The following NUP205 variants were observed in gnomAD, a reference collection of about 807,000 sequenced individuals.
The protein encoded by NUP205 is nucleoporin 205, also known as nuclear pore complex protein Nup205.
NUP205 carries 76 observed loss-of-function variants against 253.8 expected under a neutral mutation model. That is an observed-to-expected ratio of 0.30 (90% CI 0.25 to 0.36). NUP205 has a LOEUF of 0.36. Ranked by LOEUF, NUP205 falls within the 10% of genes least tolerant of loss-of-function variation. The pLI, the probability that NUP205 is intolerant of heterozygous loss-of-function variation, is 1.00. For missense variants in NUP205, 2,162 were observed against 2,425.5 expected (o/e 0.89, Z 2.28); for synonymous variants, 832 against 850.1 (o/e 0.98, Z 0.37).
intron 1 of NUP205, among the ~76,000 whole-genome samples, chr7:135,560,775 T>C (rs1052020832): frequency 1.3e-5 from 2 of 152,114 alleles, no homozygotes; most frequent in South Asian, 2.1e-4. Context: ...TCTGAAGTAG[T>C]CATACTCATA....
At chr7:135,589,888 A>G (rs1433008470) in intron 10 of NUP205, among the ~76,000 whole-genome samples, 3 of 151,180 alleles carry the variant, frequency 2.0e-5, no homozygotes, top group Non-Finnish European at 4.4e-5. Context: ...ACTACATTCC[A>G]GCCTGGGTGA....
chr7:135,569,696 C>G (rs1356428357), intron 1 of NUP205, among the ~76,000 whole-genome samples: 2 of 151,990 alleles, frequency 1.3e-5, no homozygotes, highest in East Asian at 3.9e-4. Flanking sequence ...TAGTAGCACA[C>G]AGCACAAGTT....
chr7:135,602,008 CAAAT>C (rs1793977257), intron 17 of NUP205, among the ~76,000 whole-genome samples: 1 of 152,090 alleles, frequency 6.6e-6, no homozygotes. Context: ...TTCCATTTAA[CAAAT>C]AAAGAAGCTG....
At chr7:135,632,663 A>G (rs1794736980) in intron 35 of NUP205, among the ~76,000 whole-genome samples, 1 of 151,998 alleles carries the variant, frequency 6.6e-6, no homozygotes, top group Non-Finnish European at 1.5e-5. Context: ...TATTCCACCC[A>G]GCCTGTGGTG....
intron 18 of NUP205, 143 bp downstream of exon 18, chr7:135,603,137 A>C (rs1195615567): frequency 7.7e-6 from 4 of 520,086 alleles, no homozygotes; most frequent in Admixed American, 4.4e-5. Flanking sequence ...TTTTTTTGAG[A>C]TGGAGTCTCG....
At chr7:135,587,075 A>G (rs1302951151) in intron 8 of NUP205, among the ~76,000 whole-genome samples, 1 of 150,540 alleles carries the variant, frequency 6.6e-6, no homozygotes, top group African/African-American at 2.4e-5. Context: ...TTTTTAACAG[A>G]ATTTGTTTCT....
rs902449036 is a variant in NUP205 at position 135,625,169 on chromosome 7, G to A, written c.4485G>A (p.Leu1495=). 6.2e-7 allele frequency: 1 copy of A among 1,610,978 alleles called. No individual in the cohort carries two copies. Among genetic ancestry groups the A allele is most frequent in the South Asian group, 1.1e-5 (1 of 90,304 alleles). ...ACDGHEIGRM[L]ALALLDRIVS... ...TTAATTTATTCTTCCTTCAGATGCTGGCCCTGGCTCTACTTGATAGAATTG... is the reference window on the plus strand; with the variant it reads ...TTAATTTATTCTTCCTTCAGATGCTAGCCCTGGCTCTACTTGATAGAATTG... The change falls in exon 32 of 43, where the codon CTG becomes CTA. Residue 1495 remains leucine (L), a synonymous_variant. Transcript: ENST00000285968.
Position 135,578,847 on chromosome 7 carries a change from T to A in NUP205, c.974T>A (p.Leu325His), listed in dbSNP as rs767444387. ...QDSQLWKLPG[L>H]QATVRLAWAL... Reference sequence around the variant, plus strand: ...TCACAGCTTTGGAAACTGCCTGGGCTCCAAGCCACTGTTAGACTTGCCTGG... The same window carrying A: ...TCACAGCTTTGGAAACTGCCTGGGCACCAAGCCACTGTTAGACTTGCCTGG... The change falls in exon 7 of 43, where the codon CTC becomes CAC. Residue 325 changes from leucine (L) to histidine (H), a missense_variant. Leu to His is a moderately conservative substitution (Grantham distance 99). Transcript: ENST00000285968. 1.1e-5 allele frequency: 18 copies of A among 1,612,034 alleles called. No individual in the cohort carries two copies. In the East Asian group the frequency reaches 3.8e-4, roughly 34 times the overall value.
intron 35 of NUP205, 98 bp downstream of exon 35, chr7:135,630,568 T>C: frequency 6.8e-6 from 7 of 1,036,114 alleles, no homozygotes; most frequent in South Asian, 1.7e-5. Context: ...TATATATGAC[T>C]TATTTGAAAT....
intron 8 of NUP205, among the ~76,000 whole-genome samples, chr7:135,585,238 T>C (rs1451058397): frequency 6.6e-6 from 1 of 152,156 alleles, no homozygotes; most frequent in Non-Finnish European, 1.5e-5. Context: ...ATTAAATTTG[T>C]TGAGGTTTGT....
intron 15 of NUP205, among the ~76,000 whole-genome samples, chr7:135,599,329 A>G (rs540644568): frequency 2.8e-4 from 43 of 152,108 alleles, no homozygotes; most frequent in African/African-American, 8.7e-4. Context: ...TGTTTTTTAT[A>G]TTTAGTCACA....
intron 3 of NUP205, among the ~76,000 whole-genome samples, chr7:135,574,347 A>G (rs1363818604): frequency 6.6e-6 from 1 of 152,198 alleles, no homozygotes; most frequent in East Asian, 1.9e-4. Context: ...ACAGAGTACT[A>G]GGAAGAAAAT....
At position 135,577,858 on chromosome 7, in the gene NUP205, C is replaced by T; in HGVS notation, c.711C>T (p.Cys237=). 1 of 1,614,008 alleles carries T rather than the reference C, an allele frequency of 6.2e-7. No individual in the cohort carries two copies. Among genetic ancestry groups the T allele is most frequent in the Non-Finnish European group, 8.5e-7 (1 of 1,179,966 alleles). The change falls in exon 6 of 43, where the codon TGC becomes TGT. Residue 237 remains cysteine (C), a synonymous_variant. Transcript: ENST00000285968. ...CAGAAAGCCTTTTTGCCTGGGCTTG[C>T]CAGTCACCTTTAGGCAAAGAAGACA... is the stretch of plus-strand genomic sequence containing the variant. ...SLAESLFAWA[C]QSPLGKEDTL...
intron 5 of NUP205, 120 bp downstream of exon 5, chr7:135,577,248 C>T: frequency 2.1e-6 from 2 of 958,906 alleles, no homozygotes; most frequent in African/African-American, 1.7e-5. Context: ...GCCTGATTGC[C>T]ACTTTTCTTT....
At chr7:135,612,372 A>G (rs1339438563) in intron 22 of NUP205, among the ~76,000 whole-genome samples, 1 of 152,190 alleles carries the variant, frequency 6.6e-6, no homozygotes, top group African/African-American at 2.4e-5. Flanking sequence ...TAGTTGATTC[A>G]TTAACATTAA....
intron 39 of NUP205, among the ~76,000 whole-genome samples, chr7:135,643,567 G>C (rs984209003): frequency 6.6e-6 from 1 of 152,304 alleles, no homozygotes; most frequent in Non-Finnish European, 1.5e-5. Flanking sequence ...TGTAGCACCT[G>C]TTCAAGAAAA....
At chr7:135,621,717 TAAAA>T in intron 30 of NUP205, among the ~76,000 whole-genome samples, 1 of 151,978 alleles carries the variant, frequency 6.6e-6, no homozygotes. Context: ...GTATTTCAAC[TAAAA>T]AAAAGAATAA....
chr7:135,630,180 T>A (rs1418610884), intron 34 of NUP205, among the ~76,000 whole-genome samples, 164 bp from the exon 35 acceptor site: 1 of 152,224 alleles, frequency 6.6e-6, no homozygotes, highest in Admixed American at 6.5e-5. Flanking sequence ...GCTTATCTGT[T>A]ACTCATCCTC....
chr7:135,583,528 G>A (rs919674771), intron 7 of NUP205, among the ~76,000 whole-genome samples: 1 of 152,150 alleles, frequency 6.6e-6, no homozygotes, highest in Non-Finnish European at 1.5e-5. Flanking sequence ...GGGAGGCCGA[G>A]ATGGGAGGAT....
Sources: allele counts gnomAD v4.1 joint callset (sites outside exome capture counted in the v4.1 genomes callset), GRCh38; gene constraint gnomAD v4.1.1; transcripts MANE v1.5; gene names NCBI Gene and HGNC (gene_info 2026-07-23, HGNC 2026-07-21).